The following SCYL3 variants were observed in gnomAD, a reference collection of about 807,000 sequenced individuals.
SCYL3 encodes SCY1 like pseudokinase 3.
In SCYL3, 35 loss-of-function variants were observed where a neutral mutation model predicts 73.8. That is an observed-to-expected ratio of 0.47 (90% confidence interval 0.36 to 0.63). The LOEUF (loss-of-function observed/expected upper bound fraction) is 0.63. SCYL3 is among the 20% of genes least tolerant of loss of function. The pLI, the probability that SCYL3 is intolerant of heterozygous loss-of-function variation, is 0.00. For missense variants in SCYL3, 712 were observed against 798.9 expected (o/e 0.89, Z 1.31); for synonymous variants, 277 against 295.2 (o/e 0.94, Z 0.63).
At chr1:169,883,979 CA>C (rs1159552463) in intron 2 of SCYL3, among the ~76,000 whole-genome samples, 1 of 152,082 alleles carries the variant, frequency 6.6e-6, no homozygotes, top group Non-Finnish European at 1.5e-5. Flanking sequence ...CTCGGCTTCC[CA>C]AAGTGCTGGG....
chr1:169,866,148 C>A (rs1305507379), intron 8 of SCYL3, among the ~76,000 whole-genome samples: 1 of 152,242 alleles, frequency 6.6e-6, no homozygotes, highest in Non-Finnish European at 1.5e-5. Context: ...ATTTTCCCTG[C>A]ATATTAGGTC....
At chr1:169,866,117 A>G (rs1374913477) in intron 8 of SCYL3, among the ~76,000 whole-genome samples, 1 of 152,212 alleles carries the variant, frequency 6.6e-6, no homozygotes, top group Non-Finnish European at 1.5e-5. Context: ...TCAAACCAAC[A>G]TATCCAACAC....
chr1:169,888,601 C>A, intron 2 of SCYL3, 75 bp downstream of exon 2: 1 of 1,239,038 alleles, frequency 8.1e-7, no homozygotes, highest in Non-Finnish European at 1.1e-6. Flanking sequence ...TTGAACTTTA[C>A]TAATTTCATA....
chr1:169,885,801 AG>A (rs1417107653), intron 2 of SCYL3, among the ~76,000 whole-genome samples: 1 of 152,236 alleles, frequency 6.6e-6, no homozygotes, highest in Non-Finnish European at 1.5e-5. Flanking sequence ...TAATTAGTTT[AG>A]AATGGCAGGT....
intron 9 of SCYL3, 83 bp downstream of exon 9, chr1:169,864,286 C>T: frequency 6.4e-7 from 1 of 1,551,190 alleles, no homozygotes; most frequent in Non-Finnish European, 8.9e-7. Context: ...AACTACACCA[C>T]ACAGTAATCT....
Position 169,853,312 on chromosome 1 carries a change from A to T in SCYL3, c.*401T>A. Reference sequence around the variant, plus strand: ...ATATAATTTATAGCTAAAATTTTTTAAAGTTGTATTTCATAATAGAGCTTA... The same window carrying T: ...ATATAATTTATAGCTAAAATTTTTTTAAGTTGTATTTCATAATAGAGCTTA... On this transcript the variant is annotated 3_prime_UTR_variant, in exon 13 of 13. Coordinates refer to ENST00000367771, the MANE Select transcript of SCYL3 (RefSeq NM_020423.7). The T allele has an allele frequency of 2.9e-6, 1 of 339,508 alleles. No homozygotes were observed. The highest frequency in any genetic ancestry group is 5.3e-6 in the Non-Finnish European group (1 of 187,920). 21.0% of individuals were successfully genotyped at this position (339,508 alleles called of 1,614,324 possible).
chr1:169,867,914 C>T (rs77675151), intron 7 of SCYL3, among the ~76,000 whole-genome samples: 5,020 of 152,232 alleles, frequency 0.033, 131 homozygotes, highest in Non-Finnish European at 0.054. Context: ...AGGGATTGTT[C>T]TTTGTAGAGA....
chr1:169,890,853 A>G (rs1411300376), intron 1 of SCYL3, among the ~76,000 whole-genome samples: 1 of 152,244 alleles, frequency 6.6e-6, no homozygotes, highest in Non-Finnish European at 1.5e-5. Flanking sequence ...TGGGACTACA[A>G]ATAAAAAGTT....
chr1:169,870,741 C>T (rs1660333162), intron 5 of SCYL3, among the ~76,000 whole-genome samples: 1 of 151,562 alleles, frequency 6.6e-6, no homozygotes, highest in Non-Finnish European at 1.5e-5. Context: ...TGCCCAAAGA[C>T]ATGTTCTTTT....
chr1:169,852,306 G>C lies in SCYL3; in HGVS notation c.*1407C>G. On this transcript the variant is annotated 3_prime_UTR_variant, in exon 13 of 13. Transcript: ENST00000367771. ...TCAAATGAGTCTCCTAATAATTTTT[G>C]GCAGTAACTGAAGATCACATCTACT... 1 of 301,994 alleles carries C rather than the reference G, an allele frequency of 3.3e-6. No individual in the cohort carries two copies. The highest frequency in any genetic ancestry group is 6.3e-6 in the Non-Finnish European group (1 of 159,634). 18.7% of individuals were successfully genotyped at this position (301,994 alleles called of 1,614,324 possible).
At chr1:169,885,185 T>C (rs1327403800) in intron 2 of SCYL3, among the ~76,000 whole-genome samples, 1 of 152,250 alleles carries the variant, frequency 6.6e-6, no homozygotes, top group Non-Finnish European at 1.5e-5. Context: ...AGGACCTTTA[T>C]TGTTAAATAT....
intron 3 of SCYL3, 23 bp downstream of exon 3, chr1:169,878,611 T>C (rs1318398561): frequency 1.3e-6 from 2 of 1,569,594 alleles, no homozygotes; most frequent in African/African-American, 2.7e-5. Flanking sequence ...AAGTCTGTGA[T>C]GCAGACTATA....
chr1:169,871,426 T>C (rs1183772847), intron 5 of SCYL3, among the ~76,000 whole-genome samples: 2 of 152,196 alleles, frequency 1.3e-5, no homozygotes, highest in African/African-American at 4.8e-5. Flanking sequence ...CCTTCTGCCA[T>C]GATTTTAAGG....
chr1:169,873,870 C>A, intron 4 of SCYL3, 118 bp from the exon 5 acceptor site: 1 of 660,764 alleles, frequency 1.5e-6, no homozygotes, highest in South Asian at 2.0e-5. Context: ...ACCTTCAAAT[C>A]AATGCCGCAT....
upstream of SCYL3, chr1:169,893,978 C>T (rs1662279831): frequency 1.3e-5 from 2 of 152,374 alleles, no homozygotes; most frequent in Admixed American, 6.5e-5. Flanking sequence ...ACCTTCCTCC[C>T]TCCGACGCCA....
intron 11 of SCYL3, among the ~76,000 whole-genome samples, chr1:169,855,635 A>C (rs1019380337): frequency 1.3e-5 from 2 of 152,222 alleles, no homozygotes; most frequent in African/African-American, 4.8e-5. Context: ...AGAGGAGGTA[A>C]GTATATATCC....
intron 8 of SCYL3, among the ~76,000 whole-genome samples, 174 bp from the exon 9 acceptor site, chr1:169,864,682 G>A (rs962207578): frequency 2.6e-5 from 4 of 152,124 alleles, no homozygotes; most frequent in African/African-American, 4.8e-5. Context: ...ATGCGTGGCT[G>A]GGTGCAGTGG....
chr1:169,873,742 C>T lies in SCYL3; in HGVS notation c.476G>A (p.Ser159Asn), dbSNP rs1330822668. The T allele has an allele frequency of 6.2e-7, 1 of 1,602,618 alleles. No homozygotes were observed. Among genetic ancestry groups the T allele is most frequent in the East Asian group, 2.2e-5 (1 of 44,748 alleles). The part of the protein sequence containing the change: ...VSQATPEFLR[S>N]IQSIRDPASI... The stretch of plus-strand genomic sequence containing the variant: ...TGCTGGGTCTCTTATTGACTGAATA[C>T]TCCTCAGAAACTAGACAGAGAAATA... The change falls in exon 5 of 13, where the codon AGT (serine) becomes AAT (asparagine). Residue 159 changes from serine (S) to asparagine (N), a missense_variant. Ser to Asn is a conservative substitution (Grantham distance 46). Transcript: ENST00000367771.
chr1:169,876,059 T>A lies in SCYL3; in HGVS notation c.384A>T (p.Ser128=), dbSNP rs1363669155. The A allele has an allele frequency of 6.2e-7, 1 of 1,609,510 alleles. No homozygotes were observed. The highest frequency in any genetic ancestry group is 2.2e-5 in the East Asian group (1 of 44,472). The change falls in exon 4 of 13, where the codon TCA becomes TCT. Residue 128 remains serine (S), a synonymous_variant. Coordinates refer to ENST00000367771, the MANE Select transcript of SCYL3 (RefSeq NM_020423.7). ...GTCCATCTTCACTCACAAACACAGA[T>A]GATAAACAGACATTATTGTGTGTTA... ...GHLTHNNVCL[S]SVFVSEDGHW...
Sources: gnomAD v4.1 joint callset for allele counts (sites outside exome capture counted in the v4.1 genomes callset) on GRCh38, gnomAD v4.1.1 for gene constraint, MANE v1.5 for transcripts, NCBI Gene and HGNC (gene_info 2026-07-23, HGNC 2026-07-21) for gene names.